PPP1R18: variants seen among roughly 807,000 people sequenced by gnomAD.
PPP1R18 encodes the protein protein phosphatase 1 regulatory subunit 18.
In PPP1R18, 31 loss-of-function variants were observed where a neutral mutation model predicts 54.8. The ratio of observed to expected loss-of-function variants is 0.57; its 90% CI spans 0.43 to 0.76. The LOEUF is 0.76. Among genes scored for constraint, PPP1R18 ranks in the 30% least tolerant of loss-of-function variants. The pLI is 0.00. For synonymous variants in PPP1R18, 310 were observed against 320.2 expected (o/e 0.97, Z 0.34); for missense variants, 685 against 776.1 (o/e 0.88, Z 1.39).
intron 1 of PPP1R18, among the ~76,000 whole-genome samples, chr6:30,679,903 C>T (rs1212250132): frequency 6.6e-6 from 1 of 152,066 alleles, no homozygotes; most frequent in Non-Finnish European, 1.5e-5. Context: ...GTTTTCATAC[C>T]CACAGCCCCT....
Position 30,679,621 on chromosome 6 carries a change from C to T in PPP1R18, c.1612-232G>A, listed in dbSNP as rs117003728. On this transcript the variant is annotated intron_variant, in intron 1 of 2. Transcript: ENST00000274853. ...TCTCCAATTCTAGAGTTTCCCTCTT[C>T]GATCATATCATTTCAAAACATCAGA... Among the ~76,000 whole-genome samples, 1,137 of 152,214 alleles carry T rather than the reference C, an allele frequency of 7.5e-3. 18 individuals carry two copies. Among genetic ancestry groups the T allele is most frequent in the East Asian group, 0.044 (228 of 5,182 alleles).
At chr6:30,677,352 C>G in intron 2 of PPP1R18, 64 bp from the exon 3 acceptor site, 2 of 1,256,880 alleles carry the variant, frequency 1.6e-6, no homozygotes, top group Non-Finnish European at 2.1e-6. Flanking sequence ...GCCCACCCTT[C>G]CCCCCCACAC....
intron 1 of PPP1R18, among the ~76,000 whole-genome samples, chr6:30,680,623 G>T (rs1335682692): frequency 2.6e-5 from 4 of 151,714 alleles, no homozygotes; most frequent in Non-Finnish European, 5.9e-5. Context: ...GAGCCCAGGA[G>T]TTCGAGACCA....
In PPP1R18 at chr6:30,685,954, A is replaced by G. The variant is rs1454178636; in HGVS notation, c.65T>C (p.Val22Ala). Residue 22 changes from valine (V) to alanine (A), a missense_variant, in exon 1 of 3, where the codon GTT becomes GCT. Coordinates refer to ENST00000274853, the MANE Select transcript of PPP1R18 (RefSeq NM_133471.4). This position sits in a 1 kb window ranked among gnomAD's most constrained non-coding sequence, Gnocchi z 5.0. ...CCGTTCTGCTTTCTCTCGGCCTCGA[A>G]CGGACGCCTCCTCCTGCCGGCGCCG... ...LARRRQEEASVRGREKAERER... is the reference protein window; with the variant it reads ...LARRRQEEASARGREKAERER... The G allele has an allele frequency of 2.5e-6, 4 of 1,604,140 alleles. No homozygotes were observed. In the South Asian group the frequency reaches 3.3e-5, roughly 13 times the overall value.
intron 1 of PPP1R18, among the ~76,000 whole-genome samples, chr6:30,682,598 C>G (rs1770609442): frequency 6.6e-6 from 1 of 151,990 alleles, no homozygotes; most frequent in South Asian, 2.1e-4. Context: ...GAACTCTGTG[C>G]TGCCTCCTCC....
In PPP1R18 at chr6:30,683,718, TG is replaced by T. The variant is rs746330113; in HGVS notation, c.1611+689del. The stretch of plus-strand genomic sequence containing the variant: ...GCACTGTCTGAAGCAGTGGCCCAGC[TG>T]GGGGTGTGCAACCCCGAGGTCACCC... On this transcript the variant is annotated intron_variant, in intron 1 of 2. Coordinates refer to ENST00000274853, the MANE Select transcript of PPP1R18 (RefSeq NM_133471.4). This position sits in a 1 kb window ranked among gnomAD's most constrained non-coding sequence, Gnocchi z 5.1. Among the ~76,000 whole-genome samples, 1 of 152,086 alleles carries T rather than the reference TG, an allele frequency of 6.6e-6. No homozygotes were observed. The highest frequency in any genetic ancestry group is 1.5e-5 in the Non-Finnish European group (1 of 67,988).
Position 30,684,794 on chromosome 6 carries a change from C to T in PPP1R18, c.1225G>A (p.Gly409Arg), listed in dbSNP as rs1343848864. The change falls in exon 1 of 3, where the codon GGG becomes AGG. Residue 409 changes from glycine to arginine, a missense_variant. Coordinates refer to ENST00000274853, the MANE Select transcript of PPP1R18 (RefSeq NM_133471.4). The surrounding 1 kb of genome is among the most constrained non-coding windows in gnomAD (Gnocchi z 6.0). ...TCCTGCTGTCTCAGGCCTCCAGTCC[C>T]AGCGTCCTCTGGTGGGAGGGGGGAG... The part of the protein sequence containing the change: ...VPSPLPPEDA[G>R]TGGLRQQEEE... 2 of 1,608,514 alleles carry T rather than the reference C, an allele frequency of 1.2e-6. No individual in the cohort carries two copies. The highest frequency in any genetic ancestry group is 1.1e-5 in the South Asian group (1 of 90,850).
chr6:30,683,768 T>A lies in PPP1R18; in HGVS notation c.1611+640A>T, dbSNP rs1378621138. On this transcript the variant is annotated intron_variant, in intron 1 of 2. Transcript: ENST00000274853. The surrounding 1 kb of genome is among the most constrained non-coding windows in gnomAD (Gnocchi z 5.1). ...CCACTTCAAATGGCCTCTCTGTGTC[T>A]CTCCCATGGGGCAGACTCGGGGTTC... Among the ~76,000 whole-genome samples the A allele has an allele frequency of 6.6e-6, 1 of 152,016 alleles. No homozygotes were observed. Among genetic ancestry groups the A allele is most frequent in the Non-Finnish European group, 1.5e-5 (1 of 67,990 alleles).
rs765354433 is a variant in PPP1R18 at position 30,685,322 on chromosome 6, A to G, written c.697T>C (p.Leu233=). 20 of 1,613,016 alleles carry G rather than the reference A, an allele frequency of 1.2e-5. No individual in the cohort carries two copies. Among genetic ancestry groups the G allele is most frequent in the East Asian group, 2.2e-5 (1 of 44,878 alleles). Reference sequence around the variant, plus strand: ...CATTTATGGGCCTCTGTCAGGCCCAACTTCTGGTAGGCAGATTCCCCTGGG... The same window carrying G: ...CATTTATGGGCCTCTGTCAGGCCCAGCTTCTGGTAGGCAGATTCCCCTGGG... ...LSPGESAYQK[L]GLTEAHKWRP... Residue 233 remains leucine, a synonymous_variant, in exon 1 of 3, where the codon TTG becomes CTG. Transcript: ENST00000274853. The surrounding 1 kb of genome is among the most constrained non-coding windows in gnomAD (Gnocchi z 5.0).
chr6:30,680,168 A>C (rs1770461007), intron 1 of PPP1R18, among the ~76,000 whole-genome samples: 1 of 152,196 alleles, frequency 6.6e-6, no homozygotes, highest in Admixed American at 6.5e-5. Flanking sequence ...AGTGTGCCCA[A>C]AGGGACAGGC....
At position 30,683,274 on chromosome 6, in the gene PPP1R18, A is replaced by C. The variant is rs1311551949; in HGVS notation, c.1611+1134T>G. ...ACTGGAGGGACTTCCTAAGTCTGAG[A>C]TGTCTGAGTGTGGGACCTCTGTCTC... On this transcript the variant is annotated intron_variant, in intron 1 of 2. Coordinates refer to ENST00000274853, the MANE Select transcript of PPP1R18 (RefSeq NM_133471.4). This position sits in a 1 kb window ranked among gnomAD's most constrained non-coding sequence, Gnocchi z 5.1. Among the ~76,000 whole-genome samples, 2 of 152,168 alleles carry C rather than the reference A, an allele frequency of 1.3e-5. No individual in the cohort carries two copies. Among genetic ancestry groups the C allele is most frequent in the Non-Finnish European group, 2.9e-5 (2 of 68,032 alleles).
Position 30,685,394 on chromosome 6 carries a change from A to C in PPP1R18, c.625T>G (p.Ser209Ala). ...TPERSLRLAE[S>A]REQSPRRKEV... ...TTTCTCCTGGGGCTTTGCTCTCGAGACTCTGCTAGTCTCAGACTCCGCTCT... is the reference window on the plus strand; with the variant it reads ...TTTCTCCTGGGGCTTTGCTCTCGAGCCTCTGCTAGTCTCAGACTCCGCTCT... The change falls in exon 1 of 3, where the codon TCT becomes GCT. Residue 209 changes from serine (S) to alanine (A), a missense_variant. Coordinates refer to ENST00000274853, the MANE Select transcript of PPP1R18 (RefSeq NM_133471.4). The surrounding 1 kb of genome is among the most constrained non-coding windows in gnomAD (Gnocchi z 5.0). 1 of 1,612,020 alleles carries C rather than the reference A, an allele frequency of 6.2e-7. No homozygotes were observed.
Position 30,685,323 on chromosome 6 carries a change from C to T in PPP1R18, c.696G>A (p.Lys232=), listed in dbSNP as rs915455775. The change falls in exon 1 of 3, where the codon AAG becomes AAA. Residue 232 remains lysine (K), a synonymous_variant. Coordinates refer to ENST00000274853, the MANE Select transcript of PPP1R18 (RefSeq NM_133471.4). This position sits in a 1 kb window ranked among gnomAD's most constrained non-coding sequence, Gnocchi z 5.0. ...ATTTATGGGCCTCTGTCAGGCCCAA[C>T]TTCTGGTAGGCAGATTCCCCTGGGC... is the stretch of plus-strand genomic sequence containing the variant. ...RLSPGESAYQ[K]LGLTEAHKWR... is the part of the protein sequence containing the mutation. 2.5e-6 allele frequency: 4 copies of T among 1,613,150 alleles called. No individual in the cohort carries two copies. Among genetic ancestry groups the T allele is most frequent in the Non-Finnish European group, 2.5e-6 (3 of 1,180,046 alleles).
At chr6:30,679,158 G>T in intron 2 of PPP1R18, 21 bp downstream of exon 2, 2 of 1,592,240 alleles carry the variant, frequency 1.3e-6, no homozygotes. Flanking sequence ...GCGCCCTCGG[G>T]CCGGCGGAGC....
In PPP1R18 at chr6:30,686,413, T is replaced by A; in HGVS notation, c.-395A>T. ...GTTGGCGTGAGGGAGAAGAGAGAAA[T>A]GTGGCAGGGGTGAGGGGAACCTGGG... On this transcript the variant is annotated 5_prime_UTR_variant, in exon 1 of 3. Coordinates refer to ENST00000274853, the MANE Select transcript of PPP1R18 (RefSeq NM_133471.4). The A allele has an allele frequency of 5.0e-6, 1 of 199,052 alleles. No individual in the cohort carries two copies. The allele number at this position is 199,052 out of a possible 1,614,324, so 12.3% of individuals were successfully genotyped here. A position where few individuals can be genotyped will look rare whatever the true frequency, so the allele number is the denominator to read the frequency against.
chr6:30,680,591 G>C (rs1162295514), intron 1 of PPP1R18, among the ~76,000 whole-genome samples: 1 of 152,124 alleles, frequency 6.6e-6, no homozygotes, highest in African/African-American at 2.4e-5. Context: ...CACTTTGGGA[G>C]GTTGAGGCGG....
chr6:30,688,376 G>A (rs114848057), upstream of PPP1R18: 1,591 of 524,236 alleles, frequency 3.0e-3, 18 homozygotes, highest in African/African-American at 0.025. This position sits in a 1 kb window ranked among gnomAD's most constrained non-coding sequence, Gnocchi z 5.9. Flanking sequence ...CTTCTCAGGA[G>A]GCTGTTGAGG....
chr6:30,682,179 C>G (rs1770584587), intron 1 of PPP1R18, among the ~76,000 whole-genome samples: 3 of 152,100 alleles, frequency 2.0e-5, no homozygotes. Context: ...CTCCTCACCC[C>G]CCACCAACTT....
At chr6:30,678,220 CT>C (rs1465832837) in intron 2 of PPP1R18, among the ~76,000 whole-genome samples, 2 of 145,832 alleles carry the variant, frequency 1.4e-5, no homozygotes, top group African/African-American at 2.5e-5. Context: ...CTGTTTGTTT[CT>C]TTTGAGACAG....
Sources: allele counts gnomAD v4.1 joint callset (sites outside exome capture counted in the v4.1 genomes callset), GRCh38; gene constraint gnomAD v4.1.1; non-coding constraint Gnocchi (gnomAD v3.1); transcripts MANE v1.5; gene names NCBI Gene and HGNC (gene_info 2026-07-23, HGNC 2026-07-21).